PTCHD4: variants seen among roughly 807,000 people sequenced by gnomAD.
PTCHD4 encodes patched domain containing 4.
PTCHD4 carries 33 observed loss-of-function variants against 58.1 expected under a neutral mutation model. The observed-to-expected ratio is 0.57, with a 90% CI of 0.43 to 0.76. The LOEUF (loss-of-function observed/expected upper bound fraction) is 0.76. Ranked by LOEUF, PTCHD4 falls within the 30% of genes least tolerant of loss-of-function variation. PTCHD4 has a pLI of 0.00. For missense variants in PTCHD4, 1,058 were observed against 1,027.1 expected (o/e 1.03, Z -0.41); for synonymous variants, 478 against 409.6 (o/e 1.17, Z -2.02).
chr6:47,902,498 T>C (rs544174886), intron 4 of PTCHD4, among the ~76,000 whole-genome samples: 8 of 152,248 alleles, frequency 5.3e-5, no homozygotes, highest in African/African-American at 1.4e-4. Context: ...ATGGGAAAGT[T>C]TGCGTGAAGG....
intron 4 of PTCHD4, among the ~76,000 whole-genome samples, chr6:47,934,051 T>C (rs917626773): frequency 6.6e-6 from 1 of 152,240 alleles, no homozygotes; most frequent in Non-Finnish European, 1.5e-5. Context: ...TGTACATGTA[T>C]ATCCATATCA....
rs1054170488 is a variant in PTCHD4, at chr6:47,866,378, G to C, written c.*11925C>G. Among the ~76,000 whole-genome samples the C allele has an allele frequency of 6.6e-6, 1 of 151,850 alleles. No homozygotes were observed. Among genetic ancestry groups the C allele is most frequent in the South Asian group, 2.1e-4 (1 of 4,832 alleles). On this transcript the variant is annotated 3_prime_UTR_variant, in exon 5 of 5. Transcript: ENST00000339488. ...TAGTCTGGCATGAAGTCTGGGCATTGAGACTTTAAACATCTCTCTAGGTCA... is the reference window on the plus strand; with the variant it reads ...TAGTCTGGCATGAAGTCTGGGCATTCAGACTTTAAACATCTCTCTAGGTCA...
chr6:47,950,215 T>A (rs1329683621), intron 4 of PTCHD4, among the ~76,000 whole-genome samples: 1 of 152,108 alleles, frequency 6.6e-6, no homozygotes, highest in Non-Finnish European at 1.5e-5. Flanking sequence ...TAAACTTGGA[T>A]TGTTTTACTT....
chr6:48,038,816 T>C (rs1312616129), intron 3 of PTCHD4, among the ~76,000 whole-genome samples: 1 of 152,168 alleles, frequency 6.6e-6, no homozygotes, highest in African/African-American at 2.4e-5. Context: ...CTATTTTCTT[T>C]TGTTTTCAAA....
In PTCHD4 at chr6:48,069,196, T is replaced by TGGG. The variant is rs373285367; in HGVS notation, c.-242_-240dup. ...GAGAAGGGCGGGAGCACGTTGGGGGTGGGGGGGCAGATAAGCTTTTTTCTT... is the reference window on the plus strand; with the variant it reads ...GAGAAGGGCGGGAGCACGTTGGGGGTGGGGGGGGGGCAGATAAGCTTTTTTCTT... On this transcript the variant is annotated 5_prime_UTR_variant, in exon 2 of 5. Coordinates refer to ENST00000339488, the MANE Select transcript of PTCHD4 (RefSeq NM_001384253.1). 0.15 allele frequency among the ~76,000 whole-genome samples: 7,064 copies of TGGG among 46,906 alleles called. 359 individuals are homozygous for TGGG. Among genetic ancestry groups the TGGG allele is most frequent in the African/African-American group, 0.2 (2,381 of 12,082 alleles). The allele number at this position is 46,906 out of a possible 152,430, so 30.8% of individuals were successfully genotyped here.
At position 47,873,061 on chromosome 6, in the gene PTCHD4, AG is replaced by A. The variant is rs749614059; in HGVS notation, c.*5241del. Among the ~76,000 whole-genome samples, 5 of 151,672 alleles carry A rather than the reference AG, an allele frequency of 3.3e-5. No individual in the cohort carries two copies. Among genetic ancestry groups the A allele is most frequent in the African/African-American group, 4.8e-5 (2 of 41,370 alleles). ...GCTTACTTTAAGCTTCTTTACAAAG[AG>A]TCTCCCTAGCTTTTCACTTTCACTA... On this transcript the variant is annotated 3_prime_UTR_variant, in exon 5 of 5. Transcript: ENST00000339488.
At position 47,877,488 on chromosome 6, in the gene PTCHD4, C is replaced by T. The variant is rs544565473; in HGVS notation, c.*815G>A. Reference sequence around the variant, plus strand: ...GTCCATGTGGTAATTAATTCAAATGCCTTTTGTGTTTTCTTGTGAAGTCAT... The same window carrying T: ...GTCCATGTGGTAATTAATTCAAATGTCTTTTGTGTTTTCTTGTGAAGTCAT... On this transcript the variant is annotated 3_prime_UTR_variant, in exon 5 of 5. Coordinates refer to ENST00000339488, the MANE Select transcript of PTCHD4 (RefSeq NM_001384253.1). 8.5e-5 allele frequency among the ~76,000 whole-genome samples: 13 copies of T among 152,104 alleles called. 1 individual carries two copies. In the South Asian group the frequency reaches 2.5e-3, roughly 29 times the overall value.
intron 4 of PTCHD4, among the ~76,000 whole-genome samples, chr6:48,006,568 C>G (rs1167095413): frequency 6.6e-6 from 1 of 152,056 alleles, no homozygotes; most frequent in Non-Finnish European, 1.5e-5. Context: ...AGCGATGAGA[C>G]TTCATTCAAA....
At chr6:48,038,009 G>C (rs1304476776) in intron 3 of PTCHD4, among the ~76,000 whole-genome samples, 1 of 151,112 alleles carries the variant, frequency 6.6e-6, no homozygotes, top group Non-Finnish European at 1.5e-5. Flanking sequence ...TAAGCCCACT[G>C]TTCTGGCCTA....
intron 4 of PTCHD4, among the ~76,000 whole-genome samples, chr6:47,924,616 A>G (rs1286334019): frequency 6.6e-6 from 1 of 152,162 alleles, no homozygotes; most frequent in African/African-American, 2.4e-5. Flanking sequence ...TGCACTTAGC[A>G]CAGTGCCCCA....
intron 4 of PTCHD4, among the ~76,000 whole-genome samples, chr6:47,955,504 A>G (rs938485212): frequency 2.0e-5 from 3 of 152,240 alleles, no homozygotes; most frequent in Non-Finnish European, 2.9e-5. Flanking sequence ...TAAATCCAGA[A>G]ATGATTGACC....
At chr6:47,993,877 A>G (rs1179466569) in intron 4 of PTCHD4, among the ~76,000 whole-genome samples, 1 of 152,220 alleles carries the variant, frequency 6.6e-6, no homozygotes. Context: ...GGGCAGAGCC[A>G]ATGGAAAAAC....
In PTCHD4 at chr6:47,862,543, A is replaced by G. The variant is rs1015126600; in HGVS notation, c.*15760T>C. 6.6e-6 allele frequency among the ~76,000 whole-genome samples: 1 copy of G among 151,586 alleles called. No homozygotes were observed. Among genetic ancestry groups the G allele is most frequent in the Non-Finnish European group, 1.5e-5 (1 of 67,748 alleles). On this transcript the variant is annotated 3_prime_UTR_variant, in exon 5 of 5. Coordinates refer to ENST00000339488, the MANE Select transcript of PTCHD4 (RefSeq NM_001384253.1). Reference sequence around the variant, plus strand: ...TCAATTTTTTTCTTCATATTTTACTATTTATGGTCTAGTTTAACTTGGTTT... The same window carrying G: ...TCAATTTTTTTCTTCATATTTTACTGTTTATGGTCTAGTTTAACTTGGTTT...
intron 4 of PTCHD4, among the ~76,000 whole-genome samples, chr6:47,982,154 T>C (rs1767902748): frequency 6.6e-6 from 1 of 152,202 alleles, no homozygotes; most frequent in African/African-American, 2.4e-5. Flanking sequence ...ACAGTAGGTA[T>C]TCACAATTTA....
chr6:48,025,710 T>C (rs1213549982), intron 3 of PTCHD4, among the ~76,000 whole-genome samples: 1 of 152,170 alleles, frequency 6.6e-6, no homozygotes, highest in African/African-American at 2.4e-5. Flanking sequence ...AGCAGGTATT[T>C]AGGATAAGTC....
At chr6:47,935,677 T>C (rs1016429027) in intron 4 of PTCHD4, among the ~76,000 whole-genome samples, 3 of 152,208 alleles carry the variant, frequency 2.0e-5, no homozygotes, top group Admixed American at 2.0e-4. Flanking sequence ...CTGTTATATA[T>C]TCATTTATTC....
chr6:48,056,540 A>G (rs1003848099), intron 3 of PTCHD4, among the ~76,000 whole-genome samples: 1 of 152,210 alleles, frequency 6.6e-6, no homozygotes, highest in African/African-American at 2.4e-5. Context: ...ATTCAGTGAA[A>G]TCTTAATTGA....
intron 3 of PTCHD4, among the ~76,000 whole-genome samples, chr6:48,010,383 T>C (rs1762624003): frequency 6.6e-6 from 1 of 152,166 alleles, no homozygotes; most frequent in Non-Finnish European, 1.5e-5. Flanking sequence ...CTGGGAGGTA[T>C]TATGTACTCT....
At position 47,872,805 on chromosome 6, in the gene PTCHD4, T is replaced by C. The variant is rs1003554385; in HGVS notation, c.*5498A>G. On this transcript the variant is annotated 3_prime_UTR_variant, in exon 5 of 5. Transcript: ENST00000339488. Reference sequence around the variant, plus strand: ...CTTTAGAGATGCAGAAGACATAAAATGTGATTTGTAGACTAGGAAGTTATA... The same window carrying C: ...CTTTAGAGATGCAGAAGACATAAAACGTGATTTGTAGACTAGGAAGTTATA... Among the ~76,000 whole-genome samples the C allele has an allele frequency of 2.6e-5, 4 of 151,572 alleles. No homozygotes were observed. The highest frequency in any genetic ancestry group is 5.9e-5 in the Non-Finnish European group (4 of 67,716).
Sources: gnomAD v4.1 joint callset for allele counts (sites outside exome capture counted in the v4.1 genomes callset) on GRCh38, gnomAD v4.1.1 for gene constraint, MANE v1.5 for transcripts, NCBI Gene and HGNC (gene_info 2026-07-23, HGNC 2026-07-21) for gene names.